Variants in PRDM5 observed in about 807,000 individuals in gnomAD.
The protein encoded by PRDM5 is PR domain zinc finger protein 5.
In PRDM5, 56 loss-of-function variants were observed where a neutral mutation model predicts 81.2. The observed-to-expected ratio is 0.69, with a 90% confidence interval of 0.56 to 0.86. The LOEUF is 0.86. Ranked by LOEUF, PRDM5 falls within the 40% of genes least tolerant of loss-of-function variation. The pLI, the probability that PRDM5 is intolerant of heterozygous loss-of-function variation, is 0.00. For synonymous variants in PRDM5, 267 were observed against 256.4 expected, an observed-to-expected ratio of 1.04 and a Z score of -0.39; for missense variants, 697 against 770.1, an observed-to-expected ratio of 0.91 and a Z score of 1.12.
intron 10 of PRDM5, among the ~76,000 whole-genome samples, chr4:120,791,512 GA>G (rs1750570975): frequency 6.6e-6 from 1 of 152,162 alleles, no homozygotes; most frequent in Non-Finnish European, 1.5e-5. Flanking sequence ...GATTTTACAA[GA>G]GATATGAAAG....
chr4:120,822,630 T>C (rs1366928910), intron 3 of PRDM5, among the ~76,000 whole-genome samples: 1 of 152,190 alleles, frequency 6.6e-6, no homozygotes, highest in African/African-American at 2.4e-5. Context: ...ACAGTTATTT[T>C]GAGGATGGGA....
chr4:120,834,587 G>A (rs1483806625), intron 3 of PRDM5, among the ~76,000 whole-genome samples: 2 of 152,136 alleles, frequency 1.3e-5, no homozygotes, highest in African/African-American at 4.8e-5. Context: ...AAGACAATGT[G>A]TCAACTTGAC....
At chr4:120,831,131 A>C (rs191581373) in intron 3 of PRDM5, among the ~76,000 whole-genome samples, 2 of 152,222 alleles carry the variant, frequency 1.3e-5, no homozygotes, top group African/African-American at 4.8e-5. Context: ...ACAAACCATG[A>C]AAGTGTTGAA....
At chr4:120,872,673 G>A (rs911164439) in intron 2 of PRDM5, among the ~76,000 whole-genome samples, 2 of 152,142 alleles carry the variant, frequency 1.3e-5, no homozygotes, top group Non-Finnish European at 1.5e-5. Context: ...AGGATGGCTT[G>A]AGCACAGGAA....
At chr4:120,883,420 A>G (rs1050182920) in intron 2 of PRDM5, among the ~76,000 whole-genome samples, 3 of 152,110 alleles carry the variant, frequency 2.0e-5, no homozygotes, top group African/African-American at 7.2e-5. Flanking sequence ...ACTGATATCA[A>G]TCCACACAAA....
chr4:120,741,972 G>A (rs1742082362), intron 14 of PRDM5, among the ~76,000 whole-genome samples: 1 of 152,220 alleles, frequency 6.6e-6, no homozygotes, highest in Non-Finnish European at 1.5e-5. Context: ...ACCTCTAGGG[G>A]CAGGGCACAG....
intron 1 of PRDM5, among the ~76,000 whole-genome samples, chr4:120,922,233 T>C (rs946257331): frequency 1.1e-4 from 17 of 152,144 alleles, no homozygotes; most frequent in Admixed American, 8.5e-4. Context: ...GAAAGACATC[T>C]TGCGGCAGGG....
intron 13 of PRDM5, among the ~76,000 whole-genome samples, chr4:120,757,972 G>A (rs1214056611): frequency 6.6e-6 from 1 of 151,222 alleles, no homozygotes; most frequent in Non-Finnish European, 1.5e-5. Context: ...TCTGCCCTTG[G>A]ATATGGAAGC....
At chr4:120,766,717 A>G (rs975302834) in intron 13 of PRDM5, among the ~76,000 whole-genome samples, 1 of 152,238 alleles carries the variant, frequency 6.6e-6, no homozygotes, top group African/African-American at 2.4e-5. Flanking sequence ...GCTGAACCAC[A>G]TACAAGTTTT....
chr4:120,816,691 A>T (rs1314188703), intron 6 of PRDM5, 117 bp from the exon 7 acceptor site: 1 of 1,530,318 alleles, frequency 6.5e-7, no homozygotes, highest in East Asian at 2.3e-5. Flanking sequence ...GGGTCATTCC[A>T]TGCATTACCT....
At chr4:120,905,692 A>T (rs2148673536) in intron 2 of PRDM5, among the ~76,000 whole-genome samples, 1 of 152,162 alleles carries the variant, frequency 6.6e-6, no homozygotes, top group African/African-American at 2.4e-5. Flanking sequence ...AAAATAAACA[A>T]ATATATATAC....
chr4:120,912,391 A>C (rs183922023), intron 1 of PRDM5, among the ~76,000 whole-genome samples: 23 of 152,286 alleles, frequency 1.5e-4, no homozygotes, highest in African/African-American at 4.6e-4. Flanking sequence ...GAATTATAGA[A>C]GATAGAGAAA....
intron 1 of PRDM5, among the ~76,000 whole-genome samples, chr4:120,919,069 G>A (rs556939828): frequency 6.6e-6 from 1 of 152,154 alleles, no homozygotes; most frequent in Non-Finnish European, 1.5e-5. Context: ...TCTTCCTAGA[G>A]AATCTCCTGG....
chr4:120,855,761 T>C (rs1021842507), intron 2 of PRDM5, among the ~76,000 whole-genome samples: 3 of 152,206 alleles, frequency 2.0e-5, no homozygotes, highest in Non-Finnish European at 4.4e-5. Context: ...ATTTTCTCAG[T>C]AGAATTGAAA....
chr4:120,707,920 A>G (rs1313672463), intron 15 of PRDM5, among the ~76,000 whole-genome samples: 1 of 152,082 alleles, frequency 6.6e-6, no homozygotes, highest in Admixed American at 6.6e-5. Flanking sequence ...GATGCTCACC[A>G]TCATTTGTTC....
intron 15 of PRDM5, among the ~76,000 whole-genome samples, chr4:120,705,935 G>T (rs1195993324): frequency 1.3e-5 from 2 of 152,148 alleles, no homozygotes; most frequent in Non-Finnish European, 2.9e-5. Flanking sequence ...GATGTAGGGT[G>T]TGAGAGAATT....
rs143894088 is a variant in PRDM5 at position 120,801,400 on chromosome 4, G to A, written c.946-1655C>T. On this transcript the variant is annotated intron_variant, in intron 8 of 15. Coordinates refer to ENST00000264808, the MANE Select transcript of PRDM5 (RefSeq NM_018699.4). ...GCAGGGGCAAGGCTGACAGATCCCA[G>A]GCCTGCAGCCCACGGCTTAATTCAA... Among the ~76,000 whole-genome samples, 390 of 152,336 alleles carry A rather than the reference G, an allele frequency of 2.6e-3. 3 individuals carry two copies. Among genetic ancestry groups the A allele is most frequent in the African/African-American group, 9.0e-3 (375 of 41,582 alleles).
At chr4:120,797,917 C>T (rs1751555633) in intron 10 of PRDM5, among the ~76,000 whole-genome samples, 1 of 152,048 alleles carries the variant, frequency 6.6e-6, no homozygotes, top group Non-Finnish European at 1.5e-5. Context: ...GCAGAGCATA[C>T]TACAAGGATC....
intron 10 of PRDM5, 54 bp downstream of exon 10, chr4:120,798,213 G>T: frequency 7.4e-7 from 1 of 1,348,674 alleles, no homozygotes; most frequent in South Asian, 1.5e-5. Context: ...AATAAAAATT[G>T]AAAATCACAG....
Sources: allele counts gnomAD v4.1 joint callset (sites outside exome capture counted in the v4.1 genomes callset), GRCh38; gene constraint gnomAD v4.1.1; transcripts MANE v1.5; gene names NCBI Gene and HGNC (gene_info 2026-07-23, HGNC 2026-07-21).